KIAA1217: variants seen among roughly 807,000 people sequenced by gnomAD.
The protein encoded by KIAA1217 is KIAA1217.
In KIAA1217, 88 loss-of-function variants were observed where a neutral mutation model predicts 163.9. That is an observed-to-expected ratio of 0.54 (90% CI 0.45 to 0.64). The LOEUF is 0.64. Ranked by LOEUF, KIAA1217 falls within the 30% of genes least tolerant of loss-of-function variation. The pLI is 0.00. For synonymous variants in KIAA1217, 903 were observed against 923.1 expected (o/e 0.98, Z 0.39); for missense variants, 2,372 against 2,475.0 (o/e 0.96, Z 0.88).
chr10:24,055,244 G>A (rs1169030084), intron 2 of KIAA1217, among the ~76,000 whole-genome samples: 1 of 152,142 alleles, frequency 6.6e-6, no homozygotes, highest in African/African-American at 2.4e-5. Flanking sequence ...TTCATCCTGG[G>A]CAACAGAGTG....
At chr10:23,973,319 C>G (rs1311645181) in intron 1 of KIAA1217, among the ~76,000 whole-genome samples, 1 of 152,200 alleles carries the variant, frequency 6.6e-6, no homozygotes, top group Non-Finnish European at 1.5e-5. Flanking sequence ...TGCACTTATT[C>G]TGCCTTGCAT....
chr10:24,146,084 T>C (rs1274084643), intron 2 of KIAA1217, among the ~76,000 whole-genome samples: 1 of 152,232 alleles, frequency 6.6e-6, no homozygotes, highest in African/African-American at 2.4e-5. Flanking sequence ...ATTTCTTTTT[T>C]GGCTTTGTAA....
intron 1 of KIAA1217, among the ~76,000 whole-genome samples, chr10:23,971,751 C>G (rs1035121409): frequency 1.3e-5 from 2 of 152,162 alleles, no homozygotes; most frequent in Non-Finnish European, 2.9e-5. Flanking sequence ...GAATCCCCTT[C>G]CCTTCCCAGG....
chr10:24,513,297 G>C lies in KIAA1217; in HGVS notation c.2040G>C (p.Lys680Asn). Residue 680 changes from lysine (K) to asparagine (N), a missense_variant, in exon 10 of 21, where the codon AAG (lysine) becomes AAC (asparagine). This residue lies in a region of KIAA1217 where 1,431 missense variants were observed against 1,470.3 expected (regional missense o/e 0.97). Transcript: ENST00000376454. Reference protein sequence around the residue: ...NQELLRAMMKKAELEISGKVM... With the variant: ...NQELLRAMMKNAELEISGKVM... ...AGTTGCTGAGGGCAATGATGAAGAAGGCCGAGCTGGAAATCAGTGGCAAAG... is the reference window on the plus strand; with the variant it reads ...AGTTGCTGAGGGCAATGATGAAGAACGCCGAGCTGGAAATCAGTGGCAAAG... 1 of 1,614,188 alleles carries C rather than the reference G, an allele frequency of 6.2e-7. No individual in the cohort carries two copies. The highest frequency in any genetic ancestry group is 1.1e-5 in the South Asian group (1 of 91,070).
At chr10:23,991,716 A>T (rs759718301) in intron 1 of KIAA1217, among the ~76,000 whole-genome samples, 7 of 152,322 alleles carry the variant, frequency 4.6e-5, no homozygotes, top group Non-Finnish European at 8.8e-5. Flanking sequence ...ATGACGTACG[A>T]TATAATTACA....
At chr10:24,099,019 C>A (rs2062281024) in intron 2 of KIAA1217, among the ~76,000 whole-genome samples, 1 of 151,992 alleles carries the variant, frequency 6.6e-6, no homozygotes. Flanking sequence ...CTCACTAAAC[C>A]ACTGTAGAAA....
At chr10:24,068,947 A>G (rs1235880235) in intron 2 of KIAA1217, among the ~76,000 whole-genome samples, 1 of 152,228 alleles carries the variant, frequency 6.6e-6, no homozygotes, top group Non-Finnish European at 1.5e-5. Flanking sequence ...ATGTAGAATT[A>G]TCTAGGTCCC....
chr10:24,224,824 CT>C (rs1286749568), intron 2 of KIAA1217, among the ~76,000 whole-genome samples: 1,372 of 121,012 alleles, frequency 0.011, 3 homozygotes, highest in African/African-American at 0.021. Context: ...AATCATTTGA[CT>C]TTTTTTTTTT....
chr10:24,018,738 C>T (rs1390451192), intron 2 of KIAA1217, among the ~76,000 whole-genome samples: 2 of 151,948 alleles, frequency 1.3e-5, no homozygotes, highest in Non-Finnish European at 2.9e-5. Context: ...ATCAATATGT[C>T]AAAGAGATAA....
intron 2 of KIAA1217, among the ~76,000 whole-genome samples, chr10:24,318,255 T>A (rs545718436): frequency 6.6e-6 from 1 of 152,048 alleles, no homozygotes. Context: ...TATAGATAGA[T>A]GAATAGGTAG....
At chr10:24,282,191 C>T (rs1165439833) in intron 2 of KIAA1217, among the ~76,000 whole-genome samples, 1 of 125,762 alleles carries the variant, frequency 8.0e-6, no homozygotes, top group South Asian at 2.5e-4. Context: ...AACATAGAGA[C>T]CTCACCTCTA....
chr10:23,801,933 A>C (rs990298012), intron 1 of KIAA1217, among the ~76,000 whole-genome samples: 1 of 152,198 alleles, frequency 6.6e-6, no homozygotes, highest in South Asian at 2.1e-4. Flanking sequence ...AAATACAAAA[A>C]TCTAGATGTC....
chr10:23,821,518 A>G (rs548022035), intron 1 of KIAA1217, among the ~76,000 whole-genome samples: 5 of 152,254 alleles, frequency 3.3e-5, no homozygotes, highest in Admixed American at 2.6e-4. Context: ...GGTCAAACAC[A>G]AATGATGGGG....
At chr10:23,839,027 A>G (rs1305383830) in intron 1 of KIAA1217, among the ~76,000 whole-genome samples, 1 of 152,046 alleles carries the variant, frequency 6.6e-6, no homozygotes, top group Admixed American at 6.6e-5. Flanking sequence ...CATATTCTTG[A>G]AAATCATCTA....
intron 2 of KIAA1217, among the ~76,000 whole-genome samples, chr10:24,334,441 AAG>A (rs1564490053): frequency 1.5e-3 from 68 of 46,866 alleles, no homozygotes; most frequent in Middle Eastern, 0.026. Context: ...GGAAGGATGG[AAG>A]GAAGGAAGGA....
At chr10:23,959,669 T>C (rs1205940548) in intron 1 of KIAA1217, among the ~76,000 whole-genome samples, 1 of 152,160 alleles carries the variant, frequency 6.6e-6, no homozygotes, top group African/African-American at 2.4e-5. Context: ...CTAAATTTGA[T>C]GAAGAGTGGA....
intron 1 of KIAA1217, among the ~76,000 whole-genome samples, chr10:23,747,263 A>G (rs536322833): frequency 6.6e-6 from 1 of 152,340 alleles, no homozygotes; most frequent in African/African-American, 2.4e-5. Context: ...GGAATAAAAA[A>G]TAAATGAAGG....
In KIAA1217 at chr10:24,490,524, C is replaced by G. The variant is rs140697011; in HGVS notation, c.1680-3976C>G. Among the ~76,000 whole-genome samples the G allele has an allele frequency of 2.6e-5, 4 of 152,256 alleles. No individual in the cohort carries two copies. In the East Asian group the frequency reaches 7.7e-4, roughly 29 times the overall value. On this transcript the variant is annotated intron_variant, in intron 6 of 20. Transcript: ENST00000376454. ...ATAAAATTGTTTCCAGATTACCAAC[C>G]ATAAAATGGAAAGACAATCTTATTT...
At chr10:24,406,137 TC>T (rs2057184083) in intron 3 of KIAA1217, among the ~76,000 whole-genome samples, 1 of 152,170 alleles carries the variant, frequency 6.6e-6, no homozygotes. Flanking sequence ...CAGGAACCCA[TC>T]ATTCAATGAG....
Sources: allele counts gnomAD v4.1 joint callset (sites outside exome capture counted in the v4.1 genomes callset), GRCh38; gene constraint gnomAD v4.1.1; regional missense constraint gnomAD v4.1.1; transcripts MANE v1.5; gene names NCBI Gene and HGNC (gene_info 2026-07-23, HGNC 2026-07-21).